ME3: variants seen among roughly 807,000 people sequenced by gnomAD.
ME3 encodes malic enzyme 3, also known as NADP-dependent malic enzyme, mitochondrial.
Under a neutral mutation model 68.9 loss-of-function variants are expected in ME3, and 48 were observed. The ratio of observed to expected loss-of-function variants is 0.70; its 90% CI spans 0.55 to 0.89. The LOEUF (loss-of-function observed/expected upper bound fraction) is 0.89. Among genes scored for constraint, ME3 ranks in the 40% least tolerant of loss-of-function variants. The pLI is 0.00. For missense variants in ME3, 675 were observed against 797.4 expected (o/e 0.85, Z 1.85); for synonymous variants, 320 against 318.8 (o/e 1.00, Z -0.04).
chr11:86,498,000 C>T (rs1463651604), exon 6 of ME3: 1 of 1,610,434 alleles, frequency 6.2e-7, no homozygotes, highest in African/African-American at 1.3e-5. Context: ...CACAGGGAGG[C>T]ACTGCTGCGG....
chr11:86,547,797 G>A (rs745371373), intron 4 of ME3, among the ~76,000 whole-genome samples: 8 of 152,090 alleles, frequency 5.3e-5, no homozygotes, highest in African/African-American at 1.9e-4. Flanking sequence ...TTATATGTAC[G>A]TATTTCCTTC....
chr11:86,464,539 G>A (rs1950381183), intron 8 of ME3, among the ~76,000 whole-genome samples: 1 of 152,208 alleles, frequency 6.6e-6, no homozygotes, highest in Non-Finnish European at 1.5e-5. Flanking sequence ...AAACACTTCA[G>A]TCAAAACCAG....
intron 4 of ME3, among the ~76,000 whole-genome samples, chr11:86,549,813 C>A (rs1248460347): frequency 6.6e-6 from 1 of 152,142 alleles, no homozygotes; most frequent in Non-Finnish European, 1.5e-5. Context: ...ACTCCCCTCC[C>A]AACCCTGTGA....
intron 2 of ME3, among the ~76,000 whole-genome samples, chr11:86,639,711 T>A (rs1944549562): frequency 6.6e-6 from 1 of 152,212 alleles, no homozygotes; most frequent in South Asian, 2.1e-4. Flanking sequence ...CAAACTGAGA[T>A]GCTAAATGGA....
At chr11:86,669,384 G>A (rs1268192185) in intron 2 of ME3, among the ~76,000 whole-genome samples, 4 of 152,206 alleles carry the variant, frequency 2.6e-5, no homozygotes, top group Admixed American at 2.0e-4. Flanking sequence ...ACACGGCTGT[G>A]AAGAAATACC....
intron 4 of ME3, among the ~76,000 whole-genome samples, chr11:86,548,222 T>C (rs920386146): frequency 6.6e-6 from 1 of 152,202 alleles, no homozygotes; most frequent in African/African-American, 2.4e-5. Context: ...ACTAAAAAAG[T>C]AAGCCAGTTC....
intron 6 of ME3, among the ~76,000 whole-genome samples, chr11:86,489,812 C>T (rs567799074): frequency 4.6e-5 from 7 of 152,174 alleles, no homozygotes; most frequent in South Asian, 2.1e-4. Flanking sequence ...TCCTCCCACT[C>T]CCTCCCCCTT....
At chr11:86,483,603 C>G (rs1368966077) in intron 7 of ME3, among the ~76,000 whole-genome samples, 1 of 152,002 alleles carries the variant, frequency 6.6e-6, no homozygotes, top group Admixed American at 6.6e-5. Flanking sequence ...AAAAATTTTC[C>G]TAGAGCTAAA....
At chr11:86,585,767 G>A (rs1958697854) in intron 2 of ME3, among the ~76,000 whole-genome samples, 1 of 152,152 alleles carries the variant, frequency 6.6e-6, no homozygotes, top group South Asian at 2.1e-4. Context: ...AGAGAGCTTA[G>A]AGCAAAAACA....
exon 2 of ME3, chr11:86,671,810 G>A: frequency 6.2e-7 from 1 of 1,602,906 alleles, no homozygotes. Context: ...GCTTCTTCAG[G>A]GGCACAGGGC....
At chr11:86,487,472 A>G (rs1594145775) in intron 6 of ME3, 32 bp from the exon 7 acceptor site, 2 of 1,534,524 alleles carry the variant, frequency 1.3e-6, no homozygotes, top group Non-Finnish European at 1.8e-6. Context: ...GACTGAGCCT[A>G]CTCCCGGTGT....
intron 2 of ME3, among the ~76,000 whole-genome samples, chr11:86,637,074 G>T (rs1465771975): frequency 6.6e-6 from 1 of 152,180 alleles, no homozygotes; most frequent in Non-Finnish European, 1.5e-5. Flanking sequence ...CGAAAAAAAT[G>T]AGCAAATCAG....
At chr11:86,501,979 A>G (rs1204831745) in intron 5 of ME3, among the ~76,000 whole-genome samples, 2 of 152,098 alleles carry the variant, frequency 1.3e-5, no homozygotes, top group East Asian at 1.9e-4. Flanking sequence ...CTTGCCCCCA[A>G]ATCTCTAATG....
At chr11:86,656,347 C>G (rs937802021) in intron 2 of ME3, among the ~76,000 whole-genome samples, 5 of 151,668 alleles carry the variant, frequency 3.3e-5, no homozygotes, top group African/African-American at 7.3e-5. Context: ...TTGGAACCAA[C>G]CCAAATGTCC....
intron 7 of ME3, among the ~76,000 whole-genome samples, chr11:86,483,722 C>T (rs1033286339): frequency 6.6e-6 from 1 of 152,146 alleles, no homozygotes; most frequent in African/African-American, 2.4e-5. Context: ...AGGGAAGAAG[C>T]GGGTGATTTC....
chr11:86,555,223 C>T (rs1011388973), intron 4 of ME3, among the ~76,000 whole-genome samples: 4 of 152,200 alleles, frequency 2.6e-5, no homozygotes, highest in Non-Finnish European at 4.4e-5. Context: ...GCTTAGATAT[C>T]TCAGACTGTT....
chr11:86,551,146 G>A (rs1266527284), intron 4 of ME3, among the ~76,000 whole-genome samples: 1 of 152,092 alleles, frequency 6.6e-6, no homozygotes, highest in East Asian at 1.9e-4. Flanking sequence ...GGGGTGAGAG[G>A]GAAGAAGAGA....
chr11:86,587,836 CCTT>C (rs1158545204), intron 2 of ME3, among the ~76,000 whole-genome samples: 1 of 152,162 alleles, frequency 6.6e-6, no homozygotes, highest in African/African-American at 2.4e-5. Context: ...TAAAGGATTT[CCTT>C]CTTTTTTCTG....
At chr11:86,573,956 C>T (rs1177510542) in intron 2 of ME3, among the ~76,000 whole-genome samples, 1 of 152,112 alleles carries the variant, frequency 6.6e-6, no homozygotes, top group Non-Finnish European at 1.5e-5. Flanking sequence ...TATGTTGAAC[C>T]AGCCTTGCAT....
Sources: gnomAD v4.1 joint callset for allele counts (sites outside exome capture counted in the v4.1 genomes callset) on GRCh38, gnomAD v4.1.1 for gene constraint, MANE v1.5 for transcripts, NCBI Gene and HGNC (gene_info 2026-07-23, HGNC 2026-07-21) for gene names.